The following CSMD3 variants were observed in gnomAD, a reference collection of about 807,000 sequenced individuals.
CSMD3 encodes CUB and Sushi multiple domains 3, also known as CUB and sushi domain-containing protein 3.
A neutral mutation model predicts 435.2 loss-of-function variants in CSMD3; 177 were observed. The observed-to-expected ratio is 0.41, with a 90% CI of 0.36 to 0.46. The LOEUF (loss-of-function observed/expected upper bound fraction) is 0.46. Ranked by LOEUF, CSMD3 falls within the 20% of genes least tolerant of loss-of-function variation. The pLI is 0.34. For missense variants in CSMD3, 4,265 were observed against 4,504.6 expected (o/e 0.95, Z 1.52); for synonymous variants, 1,656 against 1,520.5 (o/e 1.09, Z -2.07).
intron 1 of CSMD3, among the ~76,000 whole-genome samples, chr8:113,378,762 A>AGTGTGTGTGTGTGTGTGTGT (rs5894145): frequency 1.5e-3 from 220 of 148,266 alleles, no homozygotes; most frequent in African/African-American, 5.0e-3. Context: ...GTCACACTGA[A>AGTGTGTGTGTGTGTGTGTGT]GTGTGTGTGT....
intron 5 of CSMD3, among the ~76,000 whole-genome samples, chr8:113,022,876 T>G (rs920876355): frequency 4.7e-5 from 7 of 149,768 alleles, no homozygotes; most frequent in Non-Finnish European, 1.0e-4. Context: ...TAATTAATCT[T>G]TGCAAAAAAT....
intron 4 of CSMD3, among the ~76,000 whole-genome samples, chr8:113,152,115 C>G (rs2091821001): frequency 3.3e-5 from 5 of 150,826 alleles, no homozygotes; most frequent in Non-Finnish European, 5.9e-5. Context: ...CTTTTTAAAA[C>G]TAGCTTAATC....
At chr8:112,855,143 A>G in intron 11 of CSMD3, among the ~76,000 whole-genome samples, 1 of 152,176 alleles carries the variant, frequency 6.6e-6, no homozygotes, top group East Asian at 1.9e-4. Flanking sequence ...AATTAATTTC[A>G]TCTCTTAAAA....
At chr8:112,423,403 A>AG (rs1812725629) in intron 32 of CSMD3, among the ~76,000 whole-genome samples, 1 of 152,204 alleles carries the variant, frequency 6.6e-6, no homozygotes, top group Admixed American at 6.5e-5. Context: ...TTATTAAATT[A>AG]GTTACTATTT....
chr8:113,155,344 A>T (rs921403647), intron 4 of CSMD3, among the ~76,000 whole-genome samples: 1 of 152,068 alleles, frequency 6.6e-6, no homozygotes, highest in Non-Finnish European at 1.5e-5. Context: ...TAGCTTCCCC[A>T]AGTATAACGC....
chr8:113,206,518 T>A (rs183627282), intron 3 of CSMD3, among the ~76,000 whole-genome samples: 1 of 152,248 alleles, frequency 6.6e-6, no homozygotes, highest in Admixed American at 6.5e-5. Flanking sequence ...ATTCCTTAAT[T>A]GGATGTAGTT....
intron 13 of CSMD3, among the ~76,000 whole-genome samples, chr8:112,721,926 C>A (rs2076866890): frequency 6.6e-6 from 1 of 151,920 alleles, no homozygotes; most frequent in Non-Finnish European, 1.5e-5. Context: ...GGTCAAGATG[C>A]AGGGATCTTG....
intron 16 of CSMD3, among the ~76,000 whole-genome samples, chr8:112,669,483 A>T (rs2075606287): frequency 6.6e-6 from 1 of 152,206 alleles, no homozygotes; most frequent in African/African-American, 2.4e-5. Context: ...ACCTACTGAA[A>T]TTTAAGAAAT....
At chr8:112,486,505 A>T (rs1445142836) in intron 31 of CSMD3, among the ~76,000 whole-genome samples, 1 of 152,152 alleles carries the variant, frequency 6.6e-6, no homozygotes, top group Non-Finnish European at 1.5e-5. Context: ...AGCTTGATAC[A>T]GGTAAGCTGT....
chr8:112,968,100 A>C (rs2130895764), intron 7 of CSMD3, among the ~76,000 whole-genome samples: 1 of 151,968 alleles, frequency 6.6e-6, no homozygotes, highest in South Asian at 2.1e-4. Flanking sequence ...GCCCAGAAAA[A>C]AAAAAGTAAA....
intron 10 of CSMD3, among the ~76,000 whole-genome samples, chr8:112,916,795 T>C (rs1453125060): frequency 6.6e-6 from 1 of 151,940 alleles, no homozygotes; most frequent in East Asian, 1.9e-4. Flanking sequence ...TTGGTTACAA[T>C]TAATTAAATC....
At chr8:113,420,839 C>T (rs1245801845) in intron 1 of CSMD3, among the ~76,000 whole-genome samples, 1 of 151,552 alleles carries the variant, frequency 6.6e-6, no homozygotes, top group Non-Finnish European at 1.5e-5. Context: ...ATTACAGCTG[C>T]TTGGGAGGCT....
At chr8:113,371,953 T>C (rs913765689) in intron 1 of CSMD3, among the ~76,000 whole-genome samples, 8 of 152,142 alleles carry the variant, frequency 5.3e-5, no homozygotes, top group Non-Finnish European at 8.8e-5. Context: ...TTATAGCAAG[T>C]AGAATTTAAA....
intron 1 of CSMD3, among the ~76,000 whole-genome samples, chr8:113,371,212 A>G (rs1461499556): frequency 6.6e-6 from 1 of 152,078 alleles, no homozygotes; most frequent in Admixed American, 6.6e-5. Context: ...GTATTACTTA[A>G]CTACTTCCTT....
At chr8:112,926,193 G>A (rs527909503) in intron 9 of CSMD3, among the ~76,000 whole-genome samples, 60 of 152,054 alleles carry the variant, frequency 3.9e-4, no homozygotes, top group African/African-American at 1.3e-3. Context: ...TGTATTAACT[G>A]TTTTAATATT....
intron 3 of CSMD3, among the ~76,000 whole-genome samples, chr8:113,267,513 C>T (rs1439738603): frequency 6.6e-6 from 1 of 151,502 alleles, no homozygotes; most frequent in Non-Finnish European, 1.5e-5. Context: ...AATATTGCAT[C>T]TTTTTACTTA....
chr8:112,290,806 A>G (rs1211778481), intron 56 of CSMD3, among the ~76,000 whole-genome samples: 1 of 151,988 alleles, frequency 6.6e-6, no homozygotes, highest in East Asian at 1.9e-4. Flanking sequence ...ACTGTTTGAG[A>G]TCTAGTTCAA....
At chr8:112,600,160 T>C (rs1469387403) in intron 22 of CSMD3, among the ~76,000 whole-genome samples, 1 of 152,092 alleles carries the variant, frequency 6.6e-6, no homozygotes, top group Non-Finnish European at 1.5e-5. Context: ...TTTTTAAATA[T>C]AATAACTCAA....
At chr8:113,019,529 T>C (rs574879636) in intron 5 of CSMD3, among the ~76,000 whole-genome samples, 327 of 148,934 alleles carry the variant, frequency 2.2e-3, no homozygotes, top group African/African-American at 7.6e-3. Flanking sequence ...TGTTATATAT[T>C]GTTTATTATT....
Sources: gnomAD v4.1 joint callset for allele counts (sites outside exome capture counted in the v4.1 genomes callset) on GRCh38, gnomAD v4.1.1 for gene constraint, MANE v1.5 for transcripts, NCBI Gene and HGNC (gene_info 2026-07-23, HGNC 2026-07-21) for gene names.